NEDD4L: variants seen among roughly 807,000 people sequenced by gnomAD.
NEDD4L encodes NEDD4 like E3 ubiquitin protein ligase.
Under a neutral mutation model 148.9 loss-of-function variants are expected in NEDD4L, and 54 were observed. That is an observed-to-expected ratio of 0.36 (90% confidence interval 0.29 to 0.45). NEDD4L has a LOEUF of 0.45. Among genes scored for constraint, NEDD4L ranks in the 20% least tolerant of loss-of-function variants. The probability of loss-of-function intolerance (pLI) is 1.00; values close to 1 mark genes in which losing one functional copy is unlikely to be tolerated. For missense variants in NEDD4L, 856 were observed against 1,233.8 expected (o/e 0.69, Z 4.59); for synonymous variants, 433 against 440.7 (o/e 0.98, Z 0.22).
rs75715592 is a variant in NEDD4L at position 58,201,803 on chromosome 18, G to A, written c.122+35942G>A. ...CATAAAGCAGCACATGGTACATACT[G>A]TTCTGAGCCCTGGTTTTCTTTTTTT... On this transcript the variant is annotated intron_variant, in intron 2 of 30. Coordinates refer to ENST00000400345, the MANE Select transcript of NEDD4L (RefSeq NM_001144967.3). 5.3e-3 allele frequency among the ~76,000 whole-genome samples: 807 copies of A among 152,208 alleles called. 3 individuals carry two copies. The highest frequency in any genetic ancestry group is 7.3e-3 in the Non-Finnish European group (494 of 68,010).
At chr18:58,058,386 C>T (rs1185361366) in intron 1 of NEDD4L, among the ~76,000 whole-genome samples, 1 of 152,218 alleles carries the variant, frequency 6.6e-6, no homozygotes, top group Non-Finnish European at 1.5e-5. Context: ...TACATGCATG[C>T]ACACTGTTGG....
chr18:58,131,289 G>A (rs192666344), intron 1 of NEDD4L, among the ~76,000 whole-genome samples: 2 of 142,952 alleles, frequency 1.4e-5, no homozygotes, highest in African/African-American at 5.2e-5. Flanking sequence ...TGTGGGTTTG[G>A]TTGTGATCTA....
At chr18:58,167,798 T>C (rs551225399) in intron 2 of NEDD4L, among the ~76,000 whole-genome samples, 2 of 152,190 alleles carry the variant, frequency 1.3e-5, no homozygotes, top group Admixed American at 6.5e-5. Context: ...GTTAAAAATA[T>C]GTATTCTCAC....
At chr18:58,385,828 A>G (rs1232767532) in intron 26 of NEDD4L, among the ~76,000 whole-genome samples, 1 of 151,392 alleles carries the variant, frequency 6.6e-6, no homozygotes, top group East Asian at 2.0e-4. Context: ...GACTTCTCTT[A>G]TTTTTACATT....
chr18:58,188,657 C>G (rs775066846), intron 2 of NEDD4L, among the ~76,000 whole-genome samples: 3 of 152,232 alleles, frequency 2.0e-5, no homozygotes, highest in Non-Finnish European at 4.4e-5. Context: ...CCTTGACTTT[C>G]CATATAACAG....
intron 4 of NEDD4L, among the ~76,000 whole-genome samples, chr18:58,251,067 G>A (rs1482695328): frequency 6.6e-6 from 1 of 152,192 alleles, no homozygotes; most frequent in East Asian, 1.9e-4. Context: ...GGTCCTGGTT[G>A]CCCTACACAT....
At chr18:58,347,280 A>G (rs1482212405) in intron 16 of NEDD4L, among the ~76,000 whole-genome samples, 1 of 127,532 alleles carries the variant, frequency 7.8e-6, no homozygotes, top group Non-Finnish European at 1.5e-5. Context: ...ACGGTAGCCT[A>G]CATGTGATTC....
In NEDD4L at chr18:58,341,761, C is replaced by G. The variant is rs374053356; in HGVS notation, c.1341C>G (p.Leu447=). The G allele has an allele frequency of 6.2e-7, 1 of 1,613,826 alleles. No homozygotes were observed. The highest frequency in any genetic ancestry group is 1.3e-5 in the African/African-American group (1 of 75,034). The change falls in exon 15 of 31, where the codon CTC becomes CTG. Residue 447 remains leucine (L), a synonymous_variant. Transcript: ENST00000400345. ...CTCAGATCCGCCGGCCTCGTAGCCT[C>G]AGCTCGCCAACAGTAACTTTATCTG... The part of the protein sequence containing the change: ...IEPQIRRPRS[L]SSPTVTLSAP...
At chr18:58,393,419 A>G (rs2050084677) in intron 30 of NEDD4L, among the ~76,000 whole-genome samples, 1 of 152,198 alleles carries the variant, frequency 6.6e-6, no homozygotes, top group South Asian at 2.1e-4. Flanking sequence ...AGGGTTGAAA[A>G]TTCACAGCTC....
In NEDD4L at chr18:58,333,391, G is replaced by A. The variant is rs111679111; in HGVS notation, c.991-427G>A. On this transcript the variant is annotated intron_variant, in intron 11 of 30. Coordinates refer to ENST00000400345, the MANE Select transcript of NEDD4L (RefSeq NM_001144967.3). Reference sequence around the variant, plus strand: ...GGATGCAACTGACTCTTTTTCAATTGTAGTAATCAATAAATGTTGGGTAGC... The same window carrying A: ...GGATGCAACTGACTCTTTTTCAATTATAGTAATCAATAAATGTTGGGTAGC... Among the ~76,000 whole-genome samples, 1,462 of 151,874 alleles carry A rather than the reference G, an allele frequency of 9.6e-3. 4 individuals are homozygous for A. The highest frequency in any genetic ancestry group is 0.017 in the Non-Finnish European group (1,133 of 67,972).
At chr18:58,364,399 G>A in intron 20 of NEDD4L, 66 bp downstream of exon 20, 2 of 973,238 alleles carry the variant, frequency 2.1e-6, no homozygotes, top group Non-Finnish European at 3.1e-6. Flanking sequence ...AGTCACTTCA[G>A]TGAGAACAAC....
intron 5 of NEDD4L, among the ~76,000 whole-genome samples, chr18:58,314,831 T>G (rs564247568): frequency 1.3e-5 from 2 of 152,210 alleles, no homozygotes; most frequent in African/African-American, 4.8e-5. Context: ...ATTTTTTCAA[T>G]TATCTAAAAG....
At chr18:58,175,837 C>G (rs1001508753) in intron 2 of NEDD4L, among the ~76,000 whole-genome samples, 1 of 152,234 alleles carries the variant, frequency 6.6e-6, no homozygotes, top group African/African-American at 2.4e-5. Context: ...ACCTCCTAGT[C>G]TTTAAGTATA....
At chr18:58,350,532 T>C (rs1733818693) in intron 17 of NEDD4L, among the ~76,000 whole-genome samples, 1 of 152,242 alleles carries the variant, frequency 6.6e-6, no homozygotes, top group Admixed American at 6.5e-5. Flanking sequence ...GTTTAGTTCC[T>C]GAGCTTGACT....
In NEDD4L at chr18:58,217,407, C is replaced by G. The variant is rs577113231; in HGVS notation, c.123-28020C>G. On this transcript the variant is annotated intron_variant, in intron 2 of 30. Transcript: ENST00000400345. Reference sequence around the variant, plus strand: ...CTCCTCTACCCTCAGCATCTGAATTCTTCTCATTTGGTTACTCACTGTGTT... The same window carrying G: ...CTCCTCTACCCTCAGCATCTGAATTGTTCTCATTTGGTTACTCACTGTGTT... Among the ~76,000 whole-genome samples the G allele has an allele frequency of 2.6e-5, 4 of 152,294 alleles. No homozygotes were observed. The East Asian group carries it at 7.7e-4, about 29-fold the overall frequency.
chr18:58,153,914 T>A (rs1160969319), intron 1 of NEDD4L, among the ~76,000 whole-genome samples: 2 of 152,200 alleles, frequency 1.3e-5, no homozygotes, highest in Non-Finnish European at 2.9e-5. Flanking sequence ...TCCAAAATGC[T>A]GGGATTACAG....
chr18:58,346,167 C>G (rs1459827949), intron 16 of NEDD4L, among the ~76,000 whole-genome samples: 1 of 152,082 alleles, frequency 6.6e-6, no homozygotes, highest in African/African-American at 2.4e-5. Context: ...AGGGATGTAC[C>G]AAGGAGGGAT....
chr18:58,089,277 G>A (rs982018552), intron 1 of NEDD4L, among the ~76,000 whole-genome samples: 2 of 151,888 alleles, frequency 1.3e-5, no homozygotes, highest in Non-Finnish European at 2.9e-5. Flanking sequence ...GGGATTACAG[G>A]TGCATGCCAC....
chr18:58,109,371 C>T (rs2085273268), intron 1 of NEDD4L, among the ~76,000 whole-genome samples: 1 of 152,144 alleles, frequency 6.6e-6, no homozygotes, highest in South Asian at 2.1e-4. Flanking sequence ...GAATTAATCA[C>T]CCAGAGAAGA....
Sources: gnomAD v4.1 joint callset for allele counts (sites outside exome capture counted in the v4.1 genomes callset) on GRCh38, gnomAD v4.1.1 for gene constraint, MANE v1.5 for transcripts, NCBI Gene and HGNC (gene_info 2026-07-23, HGNC 2026-07-21) for gene names.